The following SPINDOC variants were observed in gnomAD, a reference collection of about 807,000 sequenced individuals.
SPINDOC encodes the protein spindlin interactor and repressor of chromatin binding.
In SPINDOC, 13 loss-of-function variants were observed where a neutral mutation model predicts 30.7. That is an observed-to-expected ratio of 0.42 (90% CI 0.28 to 0.67). The LOEUF is 0.67. Among genes scored for constraint, SPINDOC ranks in the 30% least tolerant of loss-of-function variants. The pLI is 0.22. For synonymous variants in SPINDOC, 228 were observed against 211.4 expected, an observed-to-expected ratio of 1.08 and a Z score of -0.68; for missense variants, 438 against 518.0, an observed-to-expected ratio of 0.85 and a Z score of 1.50.
chr11:63,817,865 G>A lies in SPINDOC; in HGVS notation c.188G>A (p.Gly63Asp). The change falls in exon 2 of 6, where the codon GGC (glycine) becomes GAC (aspartate). Residue 63 changes from glycine (G) to aspartate (D), a missense_variant. By Grantham distance (94) the Gly-to-Asp change is moderately conservative (BLOSUM62 -1). This residue lies in a region of SPINDOC where 129 missense variants were observed against 152.7 expected (regional missense o/e 0.84). Coordinates refer to ENST00000294244, the MANE Select transcript of SPINDOC (RefSeq NM_138471.3). Reference sequence around the variant, plus strand: ...AGCCCGCTAGAGGCAGGCAGTGATGGCTGTGAGGAGCCGAAGCAGCAGGTG... The same window carrying A: ...AGCCCGCTAGAGGCAGGCAGTGATGACTGTGAGGAGCCGAAGCAGCAGGTG... ...RPSPLEAGSDGCEEPKQQVSW... is the reference protein window; with the variant it reads ...RPSPLEAGSDDCEEPKQQVSW... 6.2e-7 allele frequency: 1 copy of A among 1,611,226 alleles called. No homozygotes were observed. Among genetic ancestry groups the A allele is most frequent in the Non-Finnish European group, 8.5e-7 (1 of 1,178,818 alleles).
In SPINDOC at chr11:63,818,747, G is replaced by A. The variant is rs1356196100; in HGVS notation, c.734-55G>A. ...ATGGAGCAGGGCCTGGGCGCAGGGC[G>A]CCTGCAGCTCCTGAGGCTTTTTCAC... On this transcript the variant is annotated intron_variant, in intron 4 of 5. Transcript: ENST00000294244. The surrounding 1 kb of genome is among the most constrained non-coding windows in gnomAD (Gnocchi z 5.3). 24 of 1,611,836 alleles carry A rather than the reference G, an allele frequency of 1.5e-5. No homozygotes were observed. In the South Asian group the frequency reaches 2.0e-4, roughly 13 times the overall value.
At chr11:63,814,858 A>G (rs1020592840) in intron 1 of SPINDOC, among the ~76,000 whole-genome samples, 1 of 152,234 alleles carries the variant, frequency 6.6e-6, no homozygotes, top group Non-Finnish European at 1.5e-5. Flanking sequence ...GCATTGTCAG[A>G]GGCTGTCTCA....
chr11:63,814,946 A>G (rs1176555287), intron 1 of SPINDOC, among the ~76,000 whole-genome samples: 1 of 152,230 alleles, frequency 6.6e-6, no homozygotes, highest in African/African-American at 2.4e-5. Flanking sequence ...TCATTCAACC[A>G]ATATTCACTG....
intron 5 of SPINDOC, among the ~76,000 whole-genome samples, chr11:63,824,055 G>A (rs944584586): frequency 6.6e-6 from 1 of 151,900 alleles, no homozygotes; most frequent in African/African-American, 2.4e-5. Context: ...TTACAGGCGT[G>A]CGCCACCACG....
In SPINDOC at chr11:63,818,950, A is replaced by T. The variant is rs760636626; in HGVS notation, c.882A>T (p.Lys294Asn). The T allele has an allele frequency of 6.2e-7, 1 of 1,614,166 alleles. No individual in the cohort carries two copies. The change falls in exon 5 of 6, where the codon AAA (lysine) becomes AAT (asparagine). Residue 294 changes from lysine to asparagine, a missense_variant. Coordinates refer to ENST00000294244, the MANE Select transcript of SPINDOC (RefSeq NM_138471.3). The surrounding 1 kb of genome is among the most constrained non-coding windows in gnomAD (Gnocchi z 5.3). ...LRGPDSKDSP[K>N]DREVAEGGLP... ...GCCCAGACAGCAAGGACTCACCCAAAGACAGGGAAGTGGCAGAAGGAGGCC... is the reference window on the plus strand; with the variant it reads ...GCCCAGACAGCAAGGACTCACCCAATGACAGGGAAGTGGCAGAAGGAGGCC...
At chr11:63,820,027 G>T (rs181930878) in intron 5 of SPINDOC, among the ~76,000 whole-genome samples, 279 of 152,294 alleles carry the variant, frequency 1.8e-3, no homozygotes, top group Non-Finnish European at 3.3e-3. Context: ...GACACCTCCA[G>T]GGGACACCAG....
Position 63,827,475 on chromosome 11 carries a change from A to G in SPINDOC, c.*336A>G, listed in dbSNP as rs1433657093. On this transcript the variant is annotated 3_prime_UTR_variant, in exon 6 of 6. Transcript: ENST00000294244. ...GCTCCCCACCATTCTCCCTTGGCAC[A>G]GTGCCTTACACAAGAGTGGTCATAA... 10 of 370,772 alleles carry G rather than the reference A, an allele frequency of 2.7e-5. No individual in the cohort carries two copies. In the East Asian group the frequency reaches 5.2e-4, roughly 19 times the overall value. The allele number at this position is 370,772 out of a possible 1,614,324, so 23.0% of individuals were successfully genotyped here.
Position 63,818,316 on chromosome 11 carries a change from C to T in SPINDOC, c.558C>T (p.Ser186=), listed in dbSNP as rs749591242. 2 of 1,613,974 alleles carry T rather than the reference C, an allele frequency of 1.2e-6. No homozygotes were observed. The highest frequency in any genetic ancestry group is 1.7e-6 in the Non-Finnish European group (2 of 1,179,998). ...TCCTTGACTCTGAGGATAACCCATC[C>T]CTCCCTAAAAGGAGCCGGCCCAGGG... is the stretch of plus-strand genomic sequence containing the variant. The part of the protein sequence containing the change: ...VVLLDSEDNP[S]LPKRSRPRGL... Residue 186 remains serine (S), a synonymous_variant, in exon 3 of 6, where the codon TCC becomes TCT. Coordinates refer to ENST00000294244, the MANE Select transcript of SPINDOC (RefSeq NM_138471.3). This position sits in a 1 kb window ranked among gnomAD's most constrained non-coding sequence, Gnocchi z 5.3.
chr11:63,820,943 T>C (rs969531168), intron 5 of SPINDOC, among the ~76,000 whole-genome samples: 17 of 145,588 alleles, frequency 1.2e-4, no homozygotes, highest in Admixed American at 1.1e-3. Context: ...TCCCAGCCAC[T>C]TGGGAGGCTG....
At position 63,818,024 on chromosome 11, in the gene SPINDOC, A is replaced by G. The variant is rs2015392940; in HGVS notation, c.347A>G (p.His116Arg). ...ARSHILEQHP[H>R]TLDLSPSEKS... is the part of the protein sequence containing the mutation. The stretch of plus-strand genomic sequence containing the variant: ...TCGCACATCTTGGAGCAGCACCCTC[A>G]CACCTTGGACCTGAGCCCTTCTGAG... Residue 116 changes from histidine (H) to arginine (R), a missense_variant, in exon 2 of 6, where the codon CAC becomes CGC. Physicochemically the swap from His to Arg is conservative, Grantham distance 29. Around this residue, in one of 3 missense-constraint regions of SPINDOC, gnomAD observed 9 missense variants for 32.5 expected, o/e 0.28. Coordinates refer to ENST00000294244, the MANE Select transcript of SPINDOC (RefSeq NM_138471.3). The surrounding 1 kb of genome is among the most constrained non-coding windows in gnomAD (Gnocchi z 5.3). The G allele has an allele frequency of 6.2e-7, 1 of 1,614,044 alleles. No homozygotes were observed. The highest frequency in any genetic ancestry group is 1.7e-5 in the Admixed American group (1 of 59,996).
rs1191351397 is a variant in SPINDOC at position 63,813,804 on chromosome 11, A to C, written c.118A>C (p.Met40Leu). 1.3e-6 allele frequency: 2 copies of C among 1,576,906 alleles called. No individual in the cohort carries two copies. Among genetic ancestry groups the C allele is most frequent in the African/African-American group, 1.4e-5 (1 of 71,964 alleles). The change falls in exon 1 of 6, where the codon ATG becomes CTG. Residue 40 changes from methionine (M) to leucine (L), a missense_variant. Transcript: ENST00000294244. Reference sequence around the variant, plus strand: ...GGCCGTAATTCCGCGGCCCGAGCCGATGCTCAGAGGTGAGGATGGAGGGGA... The same window carrying C: ...GGCCGTAATTCCGCGGCCCGAGCCGCTGCTCAGAGGTGAGGATGGAGGGGA... ...VVAVIPRPEP[M>L]LRVTQQEKTP...
Position 63,827,299 on chromosome 11 carries a change from A to G in SPINDOC, c.*160A>G. ...ATCCACTGTTATTTCGGGGCACTGG[A>G]AAGTGTCTGTTCCTGGCCAGGCCTG... On this transcript the variant is annotated 3_prime_UTR_variant, in exon 6 of 6. Coordinates refer to ENST00000294244, the MANE Select transcript of SPINDOC (RefSeq NM_138471.3). 7.5e-7 allele frequency: 1 copy of G among 1,339,904 alleles called. No individual in the cohort carries two copies. The allele number at this position is 1,339,904 out of a possible 1,614,324, so 83.0% of individuals were successfully genotyped here.
chr11:63,822,254 G>A (rs150796166), intron 5 of SPINDOC, among the ~76,000 whole-genome samples: 22 of 150,710 alleles, frequency 1.5e-4, no homozygotes, highest in African/African-American at 5.4e-4. Context: ...TAAGGCAAGA[G>A]GATCACTTGA....
intron 1 of SPINDOC, among the ~76,000 whole-genome samples, chr11:63,816,413 G>C (rs1287906968): frequency 6.6e-6 from 1 of 152,126 alleles, no homozygotes; most frequent in Non-Finnish European, 1.5e-5. Context: ...ACTTGGATGA[G>C]AGCTGTTTTG....
intron 5 of SPINDOC, among the ~76,000 whole-genome samples, chr11:63,824,633 A>T (rs1307800843): frequency 2.0e-5 from 3 of 151,588 alleles, no homozygotes; most frequent in African/African-American, 7.3e-5. Context: ...CATAATGCCC[A>T]CCTTGGCTGC....
At chr11:63,822,834 C>T (rs1295750991) in intron 5 of SPINDOC, 1 of 1,289,182 alleles carries the variant, frequency 7.8e-7, no homozygotes, top group South Asian at 1.2e-5. Context: ...GCGCAAACTC[C>T]ATCTATCTGG....
intron 5 of SPINDOC, among the ~76,000 whole-genome samples, chr11:63,824,728 G>A (rs559724304): frequency 1.3e-5 from 2 of 149,828 alleles, no homozygotes; most frequent in South Asian, 4.2e-4. Context: ...TTGTGCCACC[G>A]CACTCCAGCC....
At chr11:63,825,803 C>T (rs1472319047) in intron 5 of SPINDOC, among the ~76,000 whole-genome samples, 1 of 152,158 alleles carries the variant, frequency 6.6e-6, no homozygotes, top group Non-Finnish European at 1.5e-5. Flanking sequence ...AAAATTGTAC[C>T]TGTTTTCTGT....
chr11:63,814,358 A>C (rs1300135776), intron 1 of SPINDOC, among the ~76,000 whole-genome samples: 1 of 152,132 alleles, frequency 6.6e-6, no homozygotes, highest in Admixed American at 6.5e-5. Flanking sequence ...TTCCACTTGC[A>C]GGAGCCACAG....
Sources: allele counts gnomAD v4.1 joint callset (sites outside exome capture counted in the v4.1 genomes callset), GRCh38; gene constraint gnomAD v4.1.1; regional missense constraint gnomAD v4.1.1; non-coding constraint Gnocchi (gnomAD v3.1); transcripts MANE v1.5; gene names NCBI Gene and HGNC (gene_info 2026-07-23, HGNC 2026-07-21).